Variants in SOHLH1 observed in about 807,000 individuals in gnomAD.
SOHLH1 encodes spermatogenesis and oogenesis specific basic helix-loop-helix 1.
A neutral mutation model predicts 36.2 loss-of-function variants in SOHLH1; 23 were observed. The observed-to-expected ratio is 0.64, with a 90% CI of 0.46 to 0.90. The LOEUF is 0.90. Among genes scored for constraint, SOHLH1 ranks in the 40% least tolerant of loss-of-function variants. The pLI, the probability that SOHLH1 is intolerant of heterozygous loss-of-function variation, is 0.00. For synonymous variants in SOHLH1, 289 were observed against 228.3 expected, an observed-to-expected ratio of 1.27 and a Z score of -2.40; for missense variants, 608 against 517.0, an observed-to-expected ratio of 1.18 and a Z score of -1.71.
In SOHLH1 at chr9:135,693,590, C is replaced by T. The variant is rs951282189; in HGVS notation, c.*7G>A. 25 of 1,559,942 alleles carry T rather than the reference C, an allele frequency of 1.6e-5. No homozygotes were observed. Among genetic ancestry groups the T allele is most frequent in the Non-Finnish European group, 2.2e-5 (25 of 1,151,420 alleles). Reference sequence around the variant, plus strand: ...GCCCCGCCCGCCTCCTCTCCACAGCCTGGCTGCTAGCAGGCAAAGAAGTCA... The same window carrying T: ...GCCCCGCCCGCCTCCTCTCCACAGCTTGGCTGCTAGCAGGCAAAGAAGTCA... On this transcript the variant is annotated 3_prime_UTR_variant, in exon 8 of 8. Coordinates refer to ENST00000425225, the MANE Select transcript of SOHLH1 (RefSeq NM_001101677.2).
At chr9:135,694,584 G>T in intron 6 of SOHLH1, 127 bp from the exon 7 acceptor site, 1 of 1,336,574 alleles carries the variant, frequency 7.5e-7, no homozygotes, top group Non-Finnish European at 1.0e-6. Context: ...ACTCCTGACA[G>T]GCTCCACCCT....
intron 5 of SOHLH1, among the ~76,000 whole-genome samples, chr9:135,695,643 G>A (rs1834763299): frequency 6.6e-6 from 1 of 152,112 alleles, no homozygotes; most frequent in African/African-American, 2.4e-5. Flanking sequence ...GGAGTGCCCT[G>A]ATGACCCCAG....
chr9:135,698,228 G>C lies in SOHLH1; in HGVS notation c.345+101C>G, dbSNP rs1025090788. 2.0e-5 allele frequency: 31 copies of C among 1,540,658 alleles called. 1 individual carries two copies. In the South Asian group the frequency reaches 3.4e-4, roughly 17 times the overall value. ...TCTAGCCGTGGAGACCCAGAGGGCT[G>C]AAGGAGACGGGGATGACAGGGGACA... is the stretch of plus-strand genomic sequence containing the variant. On this transcript the variant is annotated intron_variant, in intron 3 of 7. Transcript: ENST00000425225.
Position 135,699,123 on chromosome 9 carries a change from G to GC in SOHLH1, c.68dup (p.Ser24LeufsTer51). On this transcript the variant is annotated frameshift_variant, in exon 2 of 8. Coordinates refer to ENST00000425225, the MANE Select transcript of SOHLH1 (RefSeq NM_001101677.2). LOFTEE classifies it high-confidence loss of function. The stretch of plus-strand genomic sequence containing the variant: ...AGCAGGAGAGGGCACCAGACAGGGA[G>GC]CCGCTGCCGAGAAAGCCAAGAGCAC... 6.3e-7 allele frequency: 1 copy of GC among 1,598,442 alleles called. No homozygotes were observed. Among genetic ancestry groups the GC allele is most frequent in the Non-Finnish European group, 8.5e-7 (1 of 1,175,444 alleles).
At chr9:135,700,277 G>A (rs1224853961), upstream of SOHLH1, among the ~76,000 whole-genome samples, 1 of 152,290 alleles carries the variant, frequency 6.6e-6, no homozygotes, top group African/African-American at 2.4e-5. Context: ...AAGCTCCGGC[G>A]CCAGGTGTTT....
At position 135,698,480 on chromosome 9, in the gene SOHLH1, G is replaced by C. The variant is rs1435975836; in HGVS notation, c.198-4C>G. The stretch of plus-strand genomic sequence containing the variant: ...ACAGCTCAACGACATCCGCTTCCTG[G>C]TTCCGGTCAAGAAACAAATACCTCT... On this transcript the variant is annotated splice_region_variant and splice_polypyrimidine_tract_variant and intron_variant, in intron 2 of 7. Coordinates refer to ENST00000425225, the MANE Select transcript of SOHLH1 (RefSeq NM_001101677.2). 2 of 1,612,998 alleles carry C rather than the reference G, an allele frequency of 1.2e-6. No individual in the cohort carries two copies. The highest frequency in any genetic ancestry group is 2.2e-5 in the South Asian group (2 of 91,084).
At chr9:135,698,264 A>C (rs1834887751) in intron 3 of SOHLH1, 65 bp downstream of exon 3, 8 of 1,603,736 alleles carry the variant, frequency 5.0e-6, no homozygotes, top group Non-Finnish European at 6.8e-6. Flanking sequence ...CACTGCCTGC[A>C]AGGTGGTGAG....
chr9:135,697,762 G>T, intron 3 of SOHLH1, 135 bp from the exon 4 acceptor site: 1 of 1,078,410 alleles, frequency 9.3e-7, no homozygotes, highest in Non-Finnish European at 1.3e-6. Context: ...TTGGGGGCGA[G>T]AGTACAGGTT....
Position 135,698,384 on chromosome 9 carries a change from G to A in SOHLH1, c.290C>T (p.Ser97Phe). The A allele has an allele frequency of 6.2e-7, 1 of 1,613,140 alleles. No homozygotes were observed. The highest frequency in any genetic ancestry group is 1.1e-5 in the South Asian group (1 of 91,088). ...REDMASVLEM[S>F]VQFLRLASAL... ...GCTGGCAAGCCGCAGGAACTGCACA[G>A]ACATCTCCAGGACCGAGGCCATGTC... The change falls in exon 3 of 8, where the codon TCT becomes TTT. Residue 97 changes from serine (S) to phenylalanine (F), a missense_variant. Transcript: ENST00000425225.
chr9:135,698,820 G>A (rs556612801), intron 2 of SOHLH1, among the ~76,000 whole-genome samples, 175 bp downstream of exon 2: 4 of 152,338 alleles, frequency 2.6e-5, no homozygotes, highest in Non-Finnish European at 4.4e-5. Flanking sequence ...GGGGCTGCAG[G>A]ATGTTCCCCA....
rs1229216191 is a variant in SOHLH1, at chr9:135,699,086, C to T, written c.106G>A (p.Ala36Thr). ...SGALSCCEDS[A>T]RGSGPPKAPT... ...GCCTTGGGCGGGCCCGAGCCCCGGG[C>T]CGAGTCCTCGCAGCAGGAGAGGGCA... is the stretch of plus-strand genomic sequence containing the variant. The change falls in exon 2 of 8, where the codon GCC (alanine) becomes ACC (threonine). Residue 36 changes from alanine to threonine, a missense_variant. Physicochemically the swap from Ala to Thr is moderately conservative, Grantham distance 58. Transcript: ENST00000425225. The T allele has an allele frequency of 1.1e-5, 17 of 1,609,516 alleles. No individual in the cohort carries two copies. The highest frequency in any genetic ancestry group is 1.4e-5 in the Non-Finnish European group (17 of 1,179,368).
intron 5 of SOHLH1, among the ~76,000 whole-genome samples, chr9:135,696,134 C>T (rs1009554552): frequency 6.6e-6 from 1 of 152,202 alleles, no homozygotes; most frequent in African/African-American, 2.4e-5. Context: ...CCATGCTTCC[C>T]AGCAGACCCA....
chr9:135,701,100 G>A (rs184944921), upstream of SOHLH1, among the ~76,000 whole-genome samples: 56 of 152,332 alleles, frequency 3.7e-4, no homozygotes, highest in East Asian at 0.01. Flanking sequence ...GTGGGACCCC[G>A]GCAGCAGCAC....
At position 135,698,992 on chromosome 9, in the gene SOHLH1, C is replaced by G. The variant is rs756906365; in HGVS notation, c.197+3G>C. 4 of 1,611,356 alleles carry G rather than the reference C, an allele frequency of 2.5e-6. No individual in the cohort carries two copies. The African/African-American group carries it at 5.3e-5, about 22-fold the overall frequency. On this transcript the variant is annotated splice_donor_region_variant and intron_variant, in intron 2 of 7. Transcript: ENST00000425225. ...CTCACCCCTGGGAGGCACCACCACT[C>G]ACCTGCGCTCCCTCTCGCTGATCAC... is the stretch of plus-strand genomic sequence containing the variant.
chr9:135,696,547 G>A lies in SOHLH1; in HGVS notation c.661+65C>T, dbSNP rs945226341. 7 of 1,579,338 alleles carry A rather than the reference G, an allele frequency of 4.4e-6. No homozygotes were observed. The African/African-American group carries it at 8.1e-5, about 18-fold the overall frequency. On this transcript the variant is annotated intron_variant, in intron 5 of 7. Coordinates refer to ENST00000425225, the MANE Select transcript of SOHLH1 (RefSeq NM_001101677.2). The stretch of plus-strand genomic sequence containing the variant: ...GCAAACAGCCCCCATTGTTCTTAGG[G>A]CTAAAGCACAGCCTGGCGCCGCTCC...
At position 135,693,466 on chromosome 9, in the gene SOHLH1, G is replaced by T; in HGVS notation, c.*131C>A. The stretch of plus-strand genomic sequence containing the variant: ...TAATATTCACTATCCTCTTCTCACA[G>T]CCTGTAAGCCTCGCTCAAATTAGGG... On this transcript the variant is annotated 3_prime_UTR_variant, in exon 8 of 8. Transcript: ENST00000425225. 2.4e-6 allele frequency: 3 copies of T among 1,261,608 alleles called. No homozygotes were observed. The highest frequency in any genetic ancestry group is 3.2e-6 in the Non-Finnish European group (3 of 931,000). The allele number at this position is 1,261,608 out of a possible 1,614,324, so 78.2% of individuals were successfully genotyped here.
chr9:135,693,499 G>A lies in SOHLH1; in HGVS notation c.*98C>T. On this transcript the variant is annotated 3_prime_UTR_variant, in exon 8 of 8. Coordinates refer to ENST00000425225, the MANE Select transcript of SOHLH1 (RefSeq NM_001101677.2). ...GCCTCGCTCAAATTAGGGTGCAGCT[G>A]CAACCCAAACCCAAAATAAAATGCC... is the stretch of plus-strand genomic sequence containing the variant. 2.1e-6 allele frequency: 3 copies of A among 1,446,784 alleles called. No homozygotes were observed. The highest frequency in any genetic ancestry group is 2.5e-5 in the East Asian group (1 of 39,774). The allele number at this position is 1,446,784 out of a possible 1,614,324, so 89.6% of individuals were successfully genotyped here.
chr9:135,695,883 G>C lies in SOHLH1; in HGVS notation c.662-620C>G, dbSNP rs139145738. ...CCCGGGTGGCAGAGGGAACAGCTGG[G>C]AGGCCTCGGGCCCCTGGCTCACCCC... On this transcript the variant is annotated intron_variant, in intron 5 of 7. Coordinates refer to ENST00000425225, the MANE Select transcript of SOHLH1 (RefSeq NM_001101677.2). Among the ~76,000 whole-genome samples, 152 of 152,306 alleles carry C rather than the reference G, an allele frequency of 1.0e-3. No homozygotes were observed. In the East Asian group the frequency reaches 0.025, roughly 25 times the overall value.
At chr9:135,700,020 G>C (rs1834978645), upstream of SOHLH1, among the ~76,000 whole-genome samples, 1 of 152,140 alleles carries the variant, frequency 6.6e-6, no homozygotes, top group Non-Finnish European at 1.5e-5. Flanking sequence ...CCTCAGGGTA[G>C]GGTCACCATC....
Sources: gnomAD v4.1 joint callset for allele counts (sites outside exome capture counted in the v4.1 genomes callset) on GRCh38, gnomAD v4.1.1 for gene constraint, MANE v1.5 for transcripts, NCBI Gene and HGNC (gene_info 2026-07-23, HGNC 2026-07-21) for gene names.